RAD51AP1: variants seen among roughly 807,000 people sequenced by gnomAD.
The protein encoded by RAD51AP1 is RAD51 associated protein 1.
In RAD51AP1, 14 loss-of-function variants were observed where a neutral mutation model predicts 34.3. That is an observed-to-expected ratio of 0.41 (90% CI 0.27 to 0.64). The LOEUF (loss-of-function observed/expected upper bound fraction) is 0.64, where lower values mean the gene tolerates loss of function less well. RAD51AP1 is among the 30% of genes least tolerant of loss of function. The probability of loss-of-function intolerance (pLI) is 0.33; values close to 1 mark genes in which losing one functional copy is unlikely to be tolerated. For synonymous variants in RAD51AP1, 114 were observed against 129.8 expected, an observed-to-expected ratio of 0.88 and a Z score of 0.83; for missense variants, 348 against 386.9, an observed-to-expected ratio of 0.90 and a Z score of 0.84.
In RAD51AP1 at chr12:4,548,841, G is replaced by T; in HGVS notation, c.556+5G>T. ...CTGAACCAGACTTTGCACCTGGTAGGTTTTATTCTACTTCGAAATTAATTC... is the reference window on the plus strand; with the variant it reads ...CTGAACCAGACTTTGCACCTGGTAGTTTTTATTCTACTTCGAAATTAATTC... On this transcript the variant is annotated splice_donor_5th_base_variant and intron_variant, in intron 6 of 8. Transcript: ENST00000352618. 3.1e-6 allele frequency: 5 copies of T among 1,600,442 alleles called. No individual in the cohort carries two copies. The highest frequency in any genetic ancestry group is 4.3e-6 in the Non-Finnish European group (5 of 1,173,330).
intron 1 of RAD51AP1, among the ~76,000 whole-genome samples, chr12:4,541,157 C>G (rs1944463859): frequency 6.6e-6 from 1 of 152,044 alleles, no homozygotes; most frequent in African/African-American, 2.4e-5. Flanking sequence ...ACATGGCACT[C>G]AAAGGAAATG....
chr12:4,554,905 T>C (rs530034704), intron 7 of RAD51AP1, among the ~76,000 whole-genome samples: 1 of 152,310 alleles, frequency 6.6e-6, no homozygotes, highest in East Asian at 1.9e-4. Context: ...TTAAGTAAAA[T>C]TTAAAAATCA....
chr12:4,546,380 C>G lies in RAD51AP1; in HGVS notation c.281C>G (p.Pro94Arg). Reference sequence around the variant, plus strand: ...CTAGCTTTATCAGTGAAGGAACTTCCAACAGTCACCACTAATGTGCAGAAC... The same window carrying G: ...CTAGCTTTATCAGTGAAGGAACTTCGAACAGTCACCACTAATGTGCAGAAC... ...VALALSVKEL[P>R]TVTTNVQNSQ... Residue 94 changes from proline (P) to arginine (R), a missense_variant, in exon 4 of 9, where the codon CCA becomes CGA. Physicochemically the swap from Pro to Arg is moderately radical, Grantham distance 103. Coordinates refer to ENST00000352618, the MANE Select transcript of RAD51AP1 (RefSeq NM_006479.5). The G allele has an allele frequency of 6.2e-7, 1 of 1,612,668 alleles. No individual in the cohort carries two copies. The highest frequency in any genetic ancestry group is 8.5e-7 in the Non-Finnish European group (1 of 1,179,056).
In RAD51AP1 at chr12:4,547,176, T is replaced by C. The variant is rs1422824939; in HGVS notation, c.319+758T>C. On this transcript the variant is annotated intron_variant, in intron 4 of 8. Transcript: ENST00000352618. Reference sequence around the variant, plus strand: ...TTGACCTCCTAGGCTCAAGCAGTCCTCCTGCCTCAGCCTCCTGAGTAGCCG... The same window carrying C: ...TTGACCTCCTAGGCTCAAGCAGTCCCCCTGCCTCAGCCTCCTGAGTAGCCG... Among the ~76,000 whole-genome samples the C allele has an allele frequency of 2.6e-5, 4 of 152,320 alleles. No homozygotes were observed. The East Asian group carries it at 7.7e-4, about 29-fold the overall frequency.
Position 4,559,149 on chromosome 12 carries a change from CTG to C in RAD51AP1, c.*158_*159del. Reference sequence around the variant, plus strand: ...TCTAGCCATTTTATGATTATGTTCTCTGTAAAACTCTTCAAGACTTCAATGAG... The same window carrying C: ...TCTAGCCATTTTATGATTATGTTCTCTAAAACTCTTCAAGACTTCAATGAG... On this transcript the variant is annotated 3_prime_UTR_variant, in exon 9 of 9. Coordinates refer to ENST00000352618, the MANE Select transcript of RAD51AP1 (RefSeq NM_006479.5). 1.2e-6 allele frequency: 1 copy of C among 837,252 alleles called. No homozygotes were observed. The highest frequency in any genetic ancestry group is 1.8e-6 in the Non-Finnish European group (1 of 560,926). 51.9% of individuals were successfully genotyped at this position (837,252 alleles called of 1,614,324 possible).
chr12:4,549,429 A>G (rs2137268546), intron 6 of RAD51AP1, among the ~76,000 whole-genome samples: 1 of 152,344 alleles, frequency 6.6e-6, no homozygotes, highest in East Asian at 1.9e-4. Context: ...AAGATACCAT[A>G]TTTTAGATTT....
At chr12:4,554,675 T>C (rs1213376200) in intron 7 of RAD51AP1, among the ~76,000 whole-genome samples, 1 of 152,212 alleles carries the variant, frequency 6.6e-6, no homozygotes, top group Non-Finnish European at 1.5e-5. Flanking sequence ...ATTTAATATA[T>C]AATATTAGAA....
At chr12:4,546,710 A>C (rs889698926) in intron 4 of RAD51AP1, among the ~76,000 whole-genome samples, 1 of 152,138 alleles carries the variant, frequency 6.6e-6, no homozygotes, top group African/African-American at 2.4e-5. Flanking sequence ...TTCTTCATCA[A>C]ATGATTTGAT....
At chr12:4,549,670 GC>G (rs775742982) in intron 6 of RAD51AP1, among the ~76,000 whole-genome samples, 2 of 152,126 alleles carry the variant, frequency 1.3e-5, no homozygotes, top group Non-Finnish European at 2.9e-5. Context: ...CTCTTTGAGC[GC>G]CAATGTGATG....
chr12:4,555,803 T>C (rs952996794), intron 7 of RAD51AP1, among the ~76,000 whole-genome samples: 10 of 152,332 alleles, frequency 6.6e-5, no homozygotes, highest in African/African-American at 2.4e-4. Context: ...CCTTTTCTAC[T>C]TGGCATACCT....
Position 4,559,164 on chromosome 12 carries a change from A to G in RAD51AP1, c.*171A>G. ...ATTATGTTCTCTGTAAAACTCTTCA[A>G]GACTTCAATGAGAAGTTTGTTTATA... is the stretch of plus-strand genomic sequence containing the variant. On this transcript the variant is annotated 3_prime_UTR_variant, in exon 9 of 9. Coordinates refer to ENST00000352618, the MANE Select transcript of RAD51AP1 (RefSeq NM_006479.5). 3 of 694,866 alleles carry G rather than the reference A, an allele frequency of 4.3e-6. No individual in the cohort carries two copies. The highest frequency in any genetic ancestry group is 6.8e-6 in the Non-Finnish European group (3 of 443,668). 43.0% of individuals were successfully genotyped at this position (694,866 alleles called of 1,614,324 possible).
At chr12:4,546,769 A>T (rs919897300) in intron 4 of RAD51AP1, among the ~76,000 whole-genome samples, 1 of 152,218 alleles carries the variant, frequency 6.6e-6, no homozygotes, top group Non-Finnish European at 1.5e-5. Flanking sequence ...TCAGTTAAAC[A>T]TACCCTAATT....
intron 8 of RAD51AP1, 62 bp from the exon 9 acceptor site, chr12:4,558,795 A>T: frequency 6.3e-7 from 1 of 1,577,468 alleles, no homozygotes; most frequent in Non-Finnish European, 8.6e-7. Context: ...CTTATTTTAT[A>T]AATTAATCTT....
intron 1 of RAD51AP1, among the ~76,000 whole-genome samples, chr12:4,539,988 GTAT>G (rs1464255475): frequency 6.6e-6 from 1 of 152,142 alleles, no homozygotes; most frequent in African/African-American, 2.4e-5. Context: ...GGAAAATCAG[GTAT>G]TATATCATTG....
chr12:4,550,434 G>A (rs549786893), intron 6 of RAD51AP1: 8 of 152,306 alleles, frequency 5.3e-5, no homozygotes, highest in East Asian at 1.9e-4. Context: ...TTCTTTGAGC[G>A]GAGAGCTTCT....
At chr12:4,545,832 AGTAAGTGCTTG>A in intron 3 of RAD51AP1, 1 of 1,611,750 alleles carries the variant, frequency 6.2e-7, no homozygotes, top group South Asian at 1.1e-5. Flanking sequence ...CCTTGTACAA[AGTAAGTGCTTG>A]GTAAAATATT....
Position 4,558,870 on chromosome 12 carries a change from TAGC to T in RAD51AP1, c.888_890del (p.Ser296del), listed in dbSNP as rs754305132. ...GTTTCCTTTCAGCGGCATCTGGAGGTAGCAGAAGTAGCAGCAGCCCACTGGTGG... is the reference window on the plus strand; with the variant it reads ...GTTTCCTTTCAGCGGCATCTGGAGGTAGAAGTAGCAGCAGCCCACTGGTGG... On this transcript the variant is annotated inframe_deletion, in exon 9 of 9. Coordinates refer to ENST00000352618, the MANE Select transcript of RAD51AP1 (RefSeq NM_006479.5). 2 of 1,614,076 alleles carry T rather than the reference TAGC, an allele frequency of 1.2e-6. No homozygotes were observed.
intron 6 of RAD51AP1, among the ~76,000 whole-genome samples, chr12:4,550,359 C>G (rs1944537409): frequency 6.6e-6 from 1 of 152,198 alleles, no homozygotes; most frequent in South Asian, 2.1e-4. Flanking sequence ...CTATTGGATA[C>G]ACAGAAAGTT....
At chr12:4,541,621 G>A (rs1465923599) in intron 1 of RAD51AP1, among the ~76,000 whole-genome samples, 3 of 152,094 alleles carry the variant, frequency 2.0e-5, no homozygotes, top group Non-Finnish European at 4.4e-5. Flanking sequence ...ATCAGGTATA[G>A]TTGTAACTAT....
Sources: gnomAD v4.1 joint callset for allele counts (sites outside exome capture counted in the v4.1 genomes callset) on GRCh38, gnomAD v4.1.1 for gene constraint, MANE v1.5 for transcripts, NCBI Gene and HGNC (gene_info 2026-07-23, HGNC 2026-07-21) for gene names.